The following DLGAP2 variants were observed in gnomAD, a reference collection of about 807,000 sequenced individuals.
DLGAP2 encodes the protein disks large-associated protein 2.
DLGAP2 carries 26 observed loss-of-function variants against 100.3 expected under a neutral mutation model. The observed-to-expected ratio is 0.26, with a 90% confidence interval of 0.19 to 0.36. The LOEUF is 0.36. DLGAP2 is among the 10% of genes least tolerant of loss of function. DLGAP2 has a pLI of 1.00. For missense variants in DLGAP2, 1,858 were observed against 1,453.2 expected, an observed-to-expected ratio of 1.28 and a Z score of -4.53; for synonymous variants, 886 against 630.1, an observed-to-expected ratio of 1.41 and a Z score of -6.08.
chr8:1,038,953 AG>A (rs1240042380), intron 2 of DLGAP2, among the ~76,000 whole-genome samples: 1 of 152,160 alleles, frequency 6.6e-6, no homozygotes, highest in Non-Finnish European at 1.5e-5. Context: ...TGTCTCTCCA[AG>A]TTGTATTTAA....
At chr8:1,299,181 C>T (rs1293950925) in intron 3 of DLGAP2, among the ~76,000 whole-genome samples, 1 of 152,208 alleles carries the variant, frequency 6.6e-6, no homozygotes, top group Non-Finnish European at 1.5e-5. Context: ...ATTTCAGGGG[C>T]TCAGAGTGGT....
intron 2 of DLGAP2, among the ~76,000 whole-genome samples, chr8:1,179,317 G>C (rs77077947): frequency 0.035 from 5,373 of 152,304 alleles, 127 homozygotes; most frequent in East Asian, 0.15. Flanking sequence ...CCCCATTTTC[G>C]CCTGTGCCAA....
At chr8:801,593 A>T (rs974979353) in intron 1 of DLGAP2, among the ~76,000 whole-genome samples, 41 of 152,160 alleles carry the variant, frequency 2.7e-4, no homozygotes, top group African/African-American at 9.4e-4. Context: ...CTGTGTGGCC[A>T]GTGGGCTTGT....
At chr8:1,363,377 G>A (rs1802030530) in intron 3 of DLGAP2, among the ~76,000 whole-genome samples, 1 of 152,172 alleles carries the variant, frequency 6.6e-6, no homozygotes, top group African/African-American at 2.4e-5. Context: ...CACGTCCGTG[G>A]CACACCTGCG....
intron 2 of DLGAP2, among the ~76,000 whole-genome samples, chr8:1,088,950 C>T (rs113781626): frequency 2.7e-4 from 32 of 117,484 alleles, no homozygotes; most frequent in Non-Finnish European, 4.8e-4. Flanking sequence ...CATTCTCGCT[C>T]CCCGGCCTCA....
chr8:1,566,843 C>A (rs909671824), intron 6 of DLGAP2, among the ~76,000 whole-genome samples: 1 of 152,214 alleles, frequency 6.6e-6, no homozygotes. Context: ...GAAACCAAAT[C>A]TTACAAATTA....
At chr8:1,655,617 G>A (rs1472418136) in intron 8 of DLGAP2, among the ~76,000 whole-genome samples, 1 of 152,204 alleles carries the variant, frequency 6.6e-6, no homozygotes, top group Non-Finnish European at 1.5e-5. Context: ...TGTTTAAAGC[G>A]ATGATGGATT....
chr8:1,070,995 T>C (rs1217277633), intron 2 of DLGAP2, among the ~76,000 whole-genome samples: 1 of 152,170 alleles, frequency 6.6e-6, no homozygotes, highest in African/African-American at 2.4e-5. Context: ...AGGGGCATTT[T>C]AGCAAACAGT....
At chr8:1,574,867 G>T (rs754702509) in intron 6 of DLGAP2, among the ~76,000 whole-genome samples, 1 of 152,208 alleles carries the variant, frequency 6.6e-6, no homozygotes, top group African/African-American at 2.4e-5. Flanking sequence ...TGACTCATGA[G>T]ATTTTGCAAG....
chr8:1,552,152 C>G (rs1052096052), intron 5 of DLGAP2, among the ~76,000 whole-genome samples: 24 of 152,204 alleles, frequency 1.6e-4, no homozygotes, highest in Non-Finnish European at 3.1e-4. Context: ...TGGCCTCCCT[C>G]TCACGTCCAC....
intron 6 of DLGAP2, among the ~76,000 whole-genome samples, chr8:1,589,220 G>A (rs922806331): frequency 5.3e-5 from 8 of 152,154 alleles, no homozygotes; most frequent in African/African-American, 9.7e-5. Context: ...CATTAGTTTC[G>A]TTGTCTTCTA....
intron 2 of DLGAP2, among the ~76,000 whole-genome samples, chr8:1,110,081 G>C (rs1416086085): frequency 7.2e-6 from 1 of 139,390 alleles, no homozygotes; most frequent in African/African-American, 2.7e-5. Flanking sequence ...GGTCTGTGAG[G>C]TGTGCACGGG....
At chr8:1,110,868 G>C (rs1804934744) in intron 2 of DLGAP2, among the ~76,000 whole-genome samples, 1 of 152,042 alleles carries the variant, frequency 6.6e-6, no homozygotes, top group Non-Finnish European at 1.5e-5. Context: ...CTGGTGCAGG[G>C]CTCAGCTACC....
chr8:1,287,157 T>TGTGG (rs1315463950), intron 3 of DLGAP2, among the ~76,000 whole-genome samples: 1 of 99,438 alleles, frequency 1.0e-5, no homozygotes, highest in Non-Finnish European at 2.3e-5. Context: ...TGTGTGTGTG[T>TGTGG]GCGCGCGCGC....
chr8:1,405,450 A>G (rs1449018501), intron 3 of DLGAP2, among the ~76,000 whole-genome samples: 1 of 4,724 alleles, frequency 2.1e-4, no homozygotes, highest in Non-Finnish European at 4.4e-4. Flanking sequence ...TGAGTCGTGT[A>G]TTGAGTGCTT....
At chr8:1,359,579 G>A (rs149126294) in intron 3 of DLGAP2, among the ~76,000 whole-genome samples, 17 of 152,356 alleles carry the variant, frequency 1.1e-4, no homozygotes, top group Non-Finnish European at 2.2e-4. Context: ...GCCGCTCAGC[G>A]GGAGTGTGTG....
chr8:1,074,350 C>T (rs547476139), intron 2 of DLGAP2, among the ~76,000 whole-genome samples: 1 of 152,150 alleles, frequency 6.6e-6, no homozygotes, highest in South Asian at 2.1e-4. Flanking sequence ...CACCCAGGTA[C>T]ATATTCAGGA....
At chr8:1,192,730 G>C (rs1015998205) in intron 2 of DLGAP2, among the ~76,000 whole-genome samples, 1 of 150,870 alleles carries the variant, frequency 6.6e-6, no homozygotes, top group East Asian at 2.0e-4. Flanking sequence ...GTGCAGGTTA[G>C]TTACATATGG....
chr8:1,219,476 G>A (rs1173372907), intron 2 of DLGAP2, among the ~76,000 whole-genome samples: 2 of 152,094 alleles, frequency 1.3e-5, no homozygotes, highest in Non-Finnish European at 2.9e-5. Context: ...CTGCCTGACC[G>A]TGGTGGATTA....
Sources: gnomAD v4.1 joint callset for allele counts (sites outside exome capture counted in the v4.1 genomes callset) on GRCh38, gnomAD v4.1.1 for gene constraint, MANE v1.5 for transcripts, NCBI Gene and HGNC (gene_info 2026-07-23, HGNC 2026-07-21) for gene names.